CDH18: variants seen among roughly 807,000 people sequenced by gnomAD.
The protein encoded by CDH18 is cadherin 18, also known as cadherin-18.
CDH18 carries 31 observed loss-of-function variants against 67.9 expected under a neutral mutation model. The ratio of observed to expected loss-of-function variants is 0.46; its 90% CI spans 0.34 to 0.62. The LOEUF (loss-of-function observed/expected upper bound fraction) is 0.62, where lower values mean the gene tolerates loss of function less well. Ranked by LOEUF, CDH18 falls within the 20% of genes least tolerant of loss-of-function variation. CDH18 has a pLI of 0.01. For missense variants in CDH18, 890 were observed against 975.5 expected, an observed-to-expected ratio of 0.91 and a Z score of 1.17; for synonymous variants, 362 against 347.2, an observed-to-expected ratio of 1.04 and a Z score of -0.48.
chr5:19,615,973 G>C (rs893044471), intron 5 of CDH18, among the ~76,000 whole-genome samples: 2 of 152,016 alleles, frequency 1.3e-5, no homozygotes, highest in Non-Finnish European at 2.9e-5. Context: ...TCAGTGATTA[G>C]AAAGAAAACT....
intron 1 of CDH18, among the ~76,000 whole-genome samples, chr5:20,487,661 G>A (rs1753287362): frequency 6.6e-6 from 1 of 151,262 alleles, no homozygotes; most frequent in Non-Finnish European, 1.5e-5. Context: ...ATCTGGAAAT[G>A]GGAAGTGCAT....
At chr5:19,946,276 A>T (rs540117300) in intron 2 of CDH18, among the ~76,000 whole-genome samples, 1 of 152,264 alleles carries the variant, frequency 6.6e-6, no homozygotes, top group South Asian at 2.1e-4. Context: ...TCCGGAAGGA[A>T]GGGGAAATAA....
chr5:19,926,535 AT>A (rs891505890), intron 2 of CDH18, among the ~76,000 whole-genome samples: 76 of 152,288 alleles, frequency 5.0e-4, no homozygotes, highest in African/African-American at 1.8e-3. Flanking sequence ...ACTGAAGTTA[AT>A]ATAAGGCTAA....
chr5:20,400,447 C>G (rs1292828692), intron 1 of CDH18, among the ~76,000 whole-genome samples: 2 of 151,880 alleles, frequency 1.3e-5, no homozygotes, highest in Non-Finnish European at 2.9e-5. Context: ...CACTGCACCC[C>G]AGGCTGGGCA....
At chr5:19,582,320 T>A (rs982109709) in intron 7 of CDH18, among the ~76,000 whole-genome samples, 1 of 152,068 alleles carries the variant, frequency 6.6e-6, no homozygotes, top group Admixed American at 6.6e-5. Context: ...TTCATCAAGA[T>A]GTTTCGTCAG....
intron 1 of CDH18, among the ~76,000 whole-genome samples, chr5:20,554,266 T>C (rs1757788160): frequency 6.6e-6 from 1 of 152,216 alleles, no homozygotes. Context: ...AAATAGGCGA[T>C]GGTCCAGGTT....
chr5:19,697,625 C>A (rs541534270), intron 5 of CDH18, among the ~76,000 whole-genome samples: 38 of 152,204 alleles, frequency 2.5e-4, no homozygotes, highest in Non-Finnish European at 4.4e-4. Context: ...TTGAATACTC[C>A]TGATAAAAGG....
intron 5 of CDH18, among the ~76,000 whole-genome samples, chr5:19,695,248 C>T (rs955497205): frequency 6.6e-6 from 1 of 152,148 alleles, no homozygotes; most frequent in Non-Finnish European, 1.5e-5. Context: ...TCCACATTGA[C>T]CTTCTGTCTC....
chr5:20,167,448 T>C (rs1736380966), intron 2 of CDH18, among the ~76,000 whole-genome samples: 1 of 151,870 alleles, frequency 6.6e-6, no homozygotes, highest in South Asian at 2.1e-4. Flanking sequence ...CTCAGTCCCA[T>C]CTATTTTTAA....
chr5:19,785,711 T>A lies in CDH18; in HGVS notation c.229-38475A>T, dbSNP rs1474993545. Among the ~76,000 whole-genome samples, 271 of 97,954 alleles carry A rather than the reference T, an allele frequency of 2.8e-3. 8 individuals are homozygous for A. Among genetic ancestry groups the A allele is most frequent in the Non-Finnish European group, 3.5e-3 (179 of 50,694 alleles). 64.3% of individuals were successfully genotyped at this position (97,954 alleles called of 152,430 possible). A position where few individuals can be genotyped will look rare whatever the true frequency, so the allele number is the denominator to read the frequency against. On this transcript the variant is annotated intron_variant, in intron 3 of 12. Coordinates refer to ENST00000382275, the MANE Select transcript of CDH18 (RefSeq NM_004934.5). ...ATATATATATATATATATATATATATATATATATATATATGCATGCATCTG... is the reference window on the plus strand; with the variant it reads ...ATATATATATATATATATATATATAAATATATATATATATGCATGCATCTG...
At chr5:19,875,177 A>G (rs927130961) in intron 2 of CDH18, among the ~76,000 whole-genome samples, 1 of 152,144 alleles carries the variant, frequency 6.6e-6, no homozygotes, top group African/African-American at 2.4e-5. Flanking sequence ...TGTCTCACAT[A>G]TGGGAGATGC....
Position 19,601,712 on chromosome 5 carries a change from G to T in CDH18, c.812-10468C>A, listed in dbSNP as rs140679018. 2.2e-3 allele frequency among the ~76,000 whole-genome samples: 335 copies of T among 151,902 alleles called. 3 individuals are homozygous for T. The highest frequency in any genetic ancestry group is 7.5e-3 in the African/African-American group (312 of 41,452). On this transcript the variant is annotated intron_variant, in intron 6 of 12. Coordinates refer to ENST00000382275, the MANE Select transcript of CDH18 (RefSeq NM_004934.5). The stretch of plus-strand genomic sequence containing the variant: ...TACAAAAATTATTAACAAAATACTA[G>T]TAAACTGATTTCAGCATAATATCAA...
intron 2 of CDH18, among the ~76,000 whole-genome samples, chr5:20,211,772 C>T (rs1294085717): frequency 6.6e-6 from 1 of 152,036 alleles, no homozygotes; most frequent in Non-Finnish European, 1.5e-5. Flanking sequence ...CATCAAAGAC[C>T]ATTGGTCACC....
intron 1 of CDH18, among the ~76,000 whole-genome samples, chr5:20,322,242 G>T (rs545431590): frequency 6.6e-6 from 1 of 152,174 alleles, no homozygotes; most frequent in African/African-American, 2.4e-5. Context: ...GAGTCAATAA[G>T]AGCAGACTAA....
chr5:19,817,327 T>C (rs1280800513), intron 3 of CDH18, among the ~76,000 whole-genome samples: 1 of 151,974 alleles, frequency 6.6e-6, no homozygotes, highest in Admixed American at 6.6e-5. Flanking sequence ...GCTATCAAAA[T>C]TAAACTTACT....
intron 1 of CDH18, among the ~76,000 whole-genome samples, chr5:20,423,459 TTGTGGAAAAAC>T (rs1313621726): frequency 1.3e-5 from 2 of 150,602 alleles, no homozygotes; most frequent in African/African-American, 5.0e-5. Flanking sequence ...TGTCAGAGAG[TTGTGGAAAAAC>T]TGTGTCTTGA....
At chr5:19,968,045 T>C (rs202104934) in intron 2 of CDH18, among the ~76,000 whole-genome samples, 3,887 of 149,678 alleles carry the variant, frequency 0.026, 194 homozygotes, top group East Asian at 0.2. Flanking sequence ...TATACACCAA[T>C]AACAGACAAA....
At chr5:20,257,450 A>G (rs11951558) in intron 1 of CDH18, among the ~76,000 whole-genome samples, 8,896 of 149,206 alleles carry the variant, frequency 0.06, 307 homozygotes, top group East Asian at 0.14. Context: ...GGCAAAAAGC[A>G]TATGGCTGAT....
intron 2 of CDH18, among the ~76,000 whole-genome samples, chr5:20,201,135 CTA>C (rs1739412263): frequency 6.6e-6 from 1 of 151,814 alleles, no homozygotes; most frequent in African/African-American, 2.4e-5. Flanking sequence ...ATTTCCTTGC[CTA>C]TTGTAACTTC....
Sources: gnomAD v4.1 joint callset for allele counts (sites outside exome capture counted in the v4.1 genomes callset) on GRCh38, gnomAD v4.1.1 for gene constraint, MANE v1.5 for transcripts, NCBI Gene and HGNC (gene_info 2026-07-23, HGNC 2026-07-21) for gene names.